The following CLCN4 variants were observed in gnomAD, a reference collection of about 807,000 sequenced individuals.
CLCN4 encodes the protein H(+)/Cl(-) exchange transporter 4.
A neutral mutation model predicts 41.7 loss-of-function variants in CLCN4; 1 was observed. The observed-to-expected ratio is 0.02, with a 90% confidence interval of 0.01 to 0.11. The LOEUF (loss-of-function observed/expected upper bound fraction) is 0.11, where lower values mean the gene tolerates loss of function less well. Ranked by LOEUF, CLCN4 falls within the 10% of genes least tolerant of loss-of-function variation. The pLI, the probability that CLCN4 is intolerant of heterozygous loss-of-function variation, is 1.00. For synonymous variants in CLCN4, 277 were observed against 285.8 expected (o/e 0.97, Z 0.31); for missense variants, 287 against 661.0 (o/e 0.43, Z 6.20).
Position 10,173,338 on chromosome X carries a change from C to T in CLCN4, c.-11-11684C>T, listed in dbSNP as rs140710374. ...GAGTCAGATCTCACCCGAGGCCGCA[C>T]ATTGGCAGCACCTGGGGAGCTTTTA... On this transcript the variant is annotated intron_variant, in intron 2 of 12. Transcript: ENST00000380833. Among the ~76,000 whole-genome samples, 555 of 111,617 alleles carry T rather than the reference C, an allele frequency of 5.0e-3. 1 individual carries two copies. Among genetic ancestry groups the T allele is most frequent in the Non-Finnish European group, 7.6e-3 (403 of 53,044 alleles).
intron 11 of CLCN4, among the ~76,000 whole-genome samples, chrX:10,216,897 G>GTGTGTATATATA (rs1411470927): frequency 9.6e-5 from 2 of 20,829 alleles, no homozygotes; most frequent in African/African-American, 1.6e-4. Flanking sequence ...GTGTGTGTGT[G>GTGTGTATATATA]TATATATATA....
chrX:10,191,697 T>C, intron 4 of CLCN4, among the ~76,000 whole-genome samples: 1 of 70,430 alleles, frequency 1.4e-5, no homozygotes, highest in African/African-American at 5.2e-5. Flanking sequence ...GGTTAATTTT[T>C]TTTTTTTTTT....
intron 9 of CLCN4, among the ~76,000 whole-genome samples, chrX:10,208,962 A>G (rs1257060297): frequency 9.0e-6 from 1 of 111,620 alleles, no homozygotes; most frequent in Admixed American, 9.5e-5. Flanking sequence ...GGTGGTGGAA[A>G]AAGCCCAGGT....
rs763820415 is a variant in CLCN4 at position 10,235,300 on chromosome X, A to G, written c.*1716A>G. ...TCAGGAAAGCAAAGCTTCCCCAGAG[A>G]CGCTCAGCTTGTATCCATTGACTGG... On this transcript the variant is annotated 3_prime_UTR_variant, in exon 13 of 13. Coordinates refer to ENST00000380833, the MANE Select transcript of CLCN4 (RefSeq NM_001830.4). 8.9e-6 allele frequency: 1 copy of G among 112,312 alleles called. No homozygotes were observed. Among genetic ancestry groups the G allele is most frequent in the Non-Finnish European group, 1.9e-5 (1 of 53,171 alleles). 9.3% of individuals were successfully genotyped at this position (112,312 alleles called of 1,213,427 possible). A position where few individuals can be genotyped will look rare whatever the true frequency, so the allele number is the denominator to read the frequency against.
intron 10 of CLCN4, 138 bp downstream of exon 10, chrX:10,212,791 T>G (rs962802478): frequency 2.0e-6 from 1 of 500,361 alleles, no homozygotes. Flanking sequence ...AGTAAACCCC[T>G]AAATCACAAT....
intron 6 of CLCN4, among the ~76,000 whole-genome samples, 171 bp from the exon 7 acceptor site, chrX:10,206,187 A>G (rs772998681): frequency 8.9e-6 from 1 of 112,349 alleles, no homozygotes; most frequent in Non-Finnish European, 1.9e-5. Flanking sequence ...TTGAGTTTTT[A>G]ATATTTCAGT....
Position 10,233,563 on chromosome X carries a change from C to A in CLCN4, c.2262C>A (p.Pro754=). Residue 754 remains proline, a synonymous_variant, in exon 13 of 13, where the codon CCC becomes CCA. Coordinates refer to ENST00000380833, the MANE Select transcript of CLCN4 (RefSeq NM_001830.4). ...TGGCCCAGATGGCAAACCAGGACCC[C>A]GAATCCATCATGTTTAATTAGCAAC... is the stretch of plus-strand genomic sequence containing the variant. ...RHMAQMANQD[P]ESIMFN is the part of the protein sequence containing the mutation. The A allele has an allele frequency of 8.3e-7, 1 of 1,204,827 alleles. No individual in the cohort carries two copies. The highest frequency in any genetic ancestry group is 1.1e-6 in the Non-Finnish European group (1 of 889,773).
chrX:10,208,010 C>T (rs751812233), intron 8 of CLCN4, 35 bp from the exon 9 acceptor site: 25 of 1,142,449 alleles, frequency 2.2e-5, no homozygotes, highest in South Asian at 9.8e-5. Context: ...GCTCTTTCTC[C>T]GGCCAGTCTT....
Position 10,235,232 on chromosome X carries a change from T to A in CLCN4, c.*1648T>A, listed in dbSNP as rs1925221911. The A allele has an allele frequency of 8.9e-6, 1 of 111,936 alleles. No homozygotes were observed. Among genetic ancestry groups the A allele is most frequent in the Non-Finnish European group, 1.9e-5 (1 of 53,125 alleles). 9.2% of individuals were successfully genotyped at this position (111,936 alleles called of 1,213,427 possible). On this transcript the variant is annotated 3_prime_UTR_variant, in exon 13 of 13. Coordinates refer to ENST00000380833, the MANE Select transcript of CLCN4 (RefSeq NM_001830.4). ...TCAGGTATCATGTCTGCTTTCTAAG[T>A]GGGAAGAGGAAGGGAGAGGCAAGCA...
chrX:10,221,474 C>T (rs370012023), intron 12 of CLCN4, among the ~76,000 whole-genome samples: 98 of 110,650 alleles, frequency 8.9e-4, no homozygotes, highest in African/African-American at 3.0e-3. Context: ...CAGCCTGGGT[C>T]GCAAGACCCT....
chrX:10,193,598 A>G (rs1159779832), intron 4 of CLCN4, among the ~76,000 whole-genome samples: 1 of 111,660 alleles, frequency 9.0e-6, no homozygotes, highest in African/African-American at 3.3e-5. Flanking sequence ...GATGATGCTG[A>G]GAGCTCTGGA....
At chrX:10,194,877 G>A (rs1388940455) in intron 4 of CLCN4, 34 bp from the exon 5 acceptor site, 5 of 1,195,212 alleles carry the variant, frequency 4.2e-6, no homozygotes, top group African/African-American at 1.8e-5. Flanking sequence ...ATCATGGGGC[G>A]ATTCCTCTTA....
intron 5 of CLCN4, among the ~76,000 whole-genome samples, chrX:10,195,604 C>T (rs1229306523): frequency 8.9e-6 from 1 of 111,975 alleles, no homozygotes; most frequent in Non-Finnish European, 1.9e-5. Context: ...AGAACATTTT[C>T]GTCATCCTTT....
chrX:10,168,079 G>T (rs1223896552), intron 2 of CLCN4, among the ~76,000 whole-genome samples: 2 of 111,860 alleles, frequency 1.8e-5, no homozygotes, highest in Non-Finnish European at 3.8e-5. Context: ...CAAAGTTTAG[G>T]TCTATTGATG....
chrX:10,172,643 T>TTG (rs959965833), intron 2 of CLCN4, among the ~76,000 whole-genome samples: 22 of 101,493 alleles, frequency 2.2e-4, no homozygotes, highest in African/African-American at 4.4e-4. Context: ...GTGTGTGTGT[T>TTG]TGTGTGTGTG....
intron 6 of CLCN4, among the ~76,000 whole-genome samples, chrX:10,199,828 G>A (rs758984149): frequency 1.8e-5 from 2 of 109,298 alleles, no homozygotes; most frequent in African/African-American, 3.4e-5. Flanking sequence ...GCACAATCTC[G>A]GCTCAGTGCA....
chrX:10,227,354 C>G (rs971887499), intron 12 of CLCN4, among the ~76,000 whole-genome samples: 7 of 111,277 alleles, frequency 6.3e-5, no homozygotes, highest in African/African-American at 2.0e-4. Flanking sequence ...AATAACATCC[C>G]TTCATGTTAA....
At chrX:10,231,297 T>C (rs1239953542) in intron 12 of CLCN4, among the ~76,000 whole-genome samples, 3 of 112,171 alleles carry the variant, frequency 2.7e-5, no homozygotes, top group African/African-American at 9.7e-5. Context: ...TTGGCAATTA[T>C]GAATGAAGCA....
At chrX:10,179,983 C>T (rs1175703544) in intron 2 of CLCN4, among the ~76,000 whole-genome samples, 2 of 111,728 alleles carry the variant, frequency 1.8e-5, no homozygotes, top group South Asian at 3.8e-4. Flanking sequence ...AACCAGTATG[C>T]GTGTGATGCT....
Sources: allele counts gnomAD v4.1 joint callset (sites outside exome capture counted in the v4.1 genomes callset), GRCh38; gene constraint gnomAD v4.1.1; transcripts MANE v1.5; gene names NCBI Gene and HGNC (gene_info 2026-07-23, HGNC 2026-07-21).